The following SNRPD1 variants were observed in gnomAD, a reference collection of about 807,000 sequenced individuals.
The protein encoded by SNRPD1 is small nuclear ribonucleoprotein Sm D1.
Under a neutral mutation model 14.4 loss-of-function variants are expected in SNRPD1, and 1 was observed. The observed-to-expected ratio is 0.07, with a 90% CI of 0.02 to 0.33. The LOEUF (loss-of-function observed/expected upper bound fraction) is 0.33, where lower values mean the gene tolerates loss of function less well. Ranked by LOEUF, SNRPD1 falls within the 10% of genes least tolerant of loss-of-function variation. The pLI is 1.00. For missense variants in SNRPD1, 52 were observed against 146.4 expected (o/e 0.36, Z 3.33); for synonymous variants, 42 against 50.3 (o/e 0.83, Z 0.70).
In SNRPD1 at chr18:21,630,047, T is replaced by A. The variant is rs1220507330; in HGVS notation, c.*909T>A. The stretch of plus-strand genomic sequence containing the variant: ...TAGCTGCTAATGTCTTACTTTTGTT[T>A]CTTTTGCTTTTTAATCAGTTCTTAA... On this transcript the variant is annotated 3_prime_UTR_variant, in exon 4 of 4. Transcript: ENST00000300413. The A allele has an allele frequency of 3.3e-5, 5 of 152,206 alleles. No individual in the cohort carries two copies. Among genetic ancestry groups the A allele is most frequent in the Non-Finnish European group, 2.9e-5 (2 of 68,048 alleles). The allele number at this position is 152,206 out of a possible 1,614,324, so 9.4% of individuals were successfully genotyped here.
In SNRPD1 at chr18:21,629,596, C is replaced by T. The variant is rs775071920; in HGVS notation, c.*458C>T. ...AGCAACAGCCGGATTAGTTACAGTT[C>T]AGCGTTTGCCTTATTTGAATATGGT... On this transcript the variant is annotated 3_prime_UTR_variant, in exon 4 of 4. Transcript: ENST00000300413. The T allele has an allele frequency of 3.1e-4, 50 of 159,752 alleles. No individual in the cohort carries two copies. The highest frequency in any genetic ancestry group is 4.6e-4 in the Non-Finnish European group (33 of 72,228). The allele number at this position is 159,752 out of a possible 1,614,324, so 9.9% of individuals were successfully genotyped here. A position where few individuals can be genotyped will look rare whatever the true frequency, so the allele number is the denominator to read the frequency against.
Position 21,612,408 on chromosome 18 carries a change from A to C in SNRPD1, c.-22A>C. The C allele has an allele frequency of 6.4e-7, 1 of 1,550,882 alleles. No individual in the cohort carries two copies. Among genetic ancestry groups the C allele is most frequent in the East Asian group, 2.4e-5 (1 of 40,962 alleles). On this transcript the variant is annotated 5_prime_UTR_variant, in exon 1 of 4. Transcript: ENST00000300413. Reference sequence around the variant, plus strand: ...AAGGATTCTGTGTGCTGTCGGACCCAGAGGGTGACGGCGCCGCTAGGATGA... The same window carrying C: ...AAGGATTCTGTGTGCTGTCGGACCCCGAGGGTGACGGCGCCGCTAGGATGA...
At chr18:21,621,137 C>T (rs539935351) in intron 1 of SNRPD1, among the ~76,000 whole-genome samples, 1 of 151,870 alleles carries the variant, frequency 6.6e-6, no homozygotes, top group East Asian at 1.9e-4. Flanking sequence ...CACTACACTC[C>T]AGCCTGGGTG....
Position 21,632,854 on chromosome 18 carries a change from T to C in SNRPD1, c.*3716T>C, listed in dbSNP as rs1483805248. 1 of 123,482 alleles carries C rather than the reference T, an allele frequency of 8.1e-6. No individual in the cohort carries two copies. Among genetic ancestry groups the C allele is most frequent in the Non-Finnish European group, 1.9e-5 (1 of 53,536 alleles). 7.6% of individuals were successfully genotyped at this position (123,482 alleles called of 1,614,324 possible). ...TCTTTTCTTTTCTTTTCTTTTCTTT[T>C]CTTTTTTTTTTTTTGAGACAGAGTC... On this transcript the variant is annotated 3_prime_UTR_variant, in exon 4 of 4. Coordinates refer to ENST00000300413, the MANE Select transcript of SNRPD1 (RefSeq NM_006938.4).
chr18:21,630,502 C>CT lies in SNRPD1; in HGVS notation c.*1365dup, dbSNP rs1160542752. ...TTAGCCTGGGTGTGGTGGCTCACGCCTGTAATCCCAGCACTTTGGGAGGCC... is the reference window on the plus strand; with the variant it reads ...TTAGCCTGGGTGTGGTGGCTCACGCCTTGTAATCCCAGCACTTTGGGAGGCC... On this transcript the variant is annotated 3_prime_UTR_variant, in exon 4 of 4. Coordinates refer to ENST00000300413, the MANE Select transcript of SNRPD1 (RefSeq NM_006938.4). 6.6e-6 allele frequency: 1 copy of CT among 151,910 alleles called. No individual in the cohort carries two copies. The highest frequency in any genetic ancestry group is 1.5e-5 in the Non-Finnish European group (1 of 68,000). 9.4% of individuals were successfully genotyped at this position (151,910 alleles called of 1,614,324 possible). A position where few individuals can be genotyped will look rare whatever the true frequency, so the allele number is the denominator to read the frequency against.
intron 3 of SNRPD1, among the ~76,000 whole-genome samples, 167 bp downstream of exon 3, chr18:21,624,106 C>T (rs537845470): frequency 6.6e-6 from 1 of 152,160 alleles, no homozygotes; most frequent in East Asian, 1.9e-4. Flanking sequence ...AGCAACCGGA[C>T]GCAGTGGCTC....
chr18:21,625,963 T>A (rs2146261608), intron 3 of SNRPD1, among the ~76,000 whole-genome samples: 1 of 152,322 alleles, frequency 6.6e-6, no homozygotes, highest in East Asian at 1.9e-4. Flanking sequence ...TCTGGGTAGT[T>A]ATCATTTTTG....
intron 1 of SNRPD1, among the ~76,000 whole-genome samples, 157 bp downstream of exon 1, chr18:21,612,600 T>C (rs936174032): frequency 5.9e-5 from 9 of 152,270 alleles, no homozygotes; most frequent in Non-Finnish European, 4.4e-5. Flanking sequence ...TGCTCGGGCC[T>C]GGGCTTCCGC....
At chr18:21,621,007 A>G (rs2038993146) in intron 1 of SNRPD1, among the ~76,000 whole-genome samples, 2 of 151,902 alleles carry the variant, frequency 1.3e-5, no homozygotes, top group Admixed American at 1.3e-4. Flanking sequence ...ACTAAAAAAA[A>G]AATACAAAAA....
At chr18:21,619,087 T>C (rs1231327452) in intron 1 of SNRPD1, among the ~76,000 whole-genome samples, 1 of 152,172 alleles carries the variant, frequency 6.6e-6, no homozygotes, top group Non-Finnish European at 1.5e-5. Flanking sequence ...TAGATGTGAT[T>C]GTGAGATTAT....
intron 3 of SNRPD1, among the ~76,000 whole-genome samples, chr18:21,625,824 C>T (rs1011909797): frequency 3.9e-5 from 6 of 152,032 alleles, no homozygotes; most frequent in African/African-American, 1.4e-4. Context: ...GTTAGCCAAG[C>T]GGTCTCGATC....
At chr18:21,619,653 G>A (rs1008849842) in intron 1 of SNRPD1, among the ~76,000 whole-genome samples, 8 of 151,870 alleles carry the variant, frequency 5.3e-5, no homozygotes, top group Non-Finnish European at 1.2e-4. Context: ...GGTGGCAGGC[G>A]CCTGTAGTCC....
intron 1 of SNRPD1, 134 bp from the exon 2 acceptor site, chr18:21,622,591 T>TA: frequency 1.7e-6 from 1 of 597,278 alleles, no homozygotes; most frequent in East Asian, 2.8e-5. Context: ...CTGAAATTGT[T>TA]ATGCAGATTA....
At chr18:21,619,887 C>T (rs890892636) in intron 1 of SNRPD1, among the ~76,000 whole-genome samples, 35 of 152,164 alleles carry the variant, frequency 2.3e-4, no homozygotes, top group Admixed American at 6.5e-4. Context: ...TGGGCTCTAG[C>T]GATCCTCCCA....
At chr18:21,624,314 G>C (rs1273730164) in intron 3 of SNRPD1, among the ~76,000 whole-genome samples, 2 of 150,408 alleles carry the variant, frequency 1.3e-5, no homozygotes, top group African/African-American at 4.9e-5. Context: ...AGTAGGCGGA[G>C]GTTGCAGTGA....
In SNRPD1 at chr18:21,630,296, A is replaced by G. The variant is rs2039071880; in HGVS notation, c.*1158A>G. 1 of 152,220 alleles carries G rather than the reference A, an allele frequency of 6.6e-6. No homozygotes were observed. Among genetic ancestry groups the G allele is most frequent in the South Asian group, 2.1e-4 (1 of 4,836 alleles). 9.4% of individuals were successfully genotyped at this position (152,220 alleles called of 1,614,324 possible). A position where few individuals can be genotyped will look rare whatever the true frequency, so the allele number is the denominator to read the frequency against. On this transcript the variant is annotated 3_prime_UTR_variant, in exon 4 of 4. Coordinates refer to ENST00000300413, the MANE Select transcript of SNRPD1 (RefSeq NM_006938.4). ...TTTTAAAAATTGTTTTTGATTTGCTAAGCTCAGAAAAAATGTCTCTCAGTG... is the reference window on the plus strand; with the variant it reads ...TTTTAAAAATTGTTTTTGATTTGCTGAGCTCAGAAAAAATGTCTCTCAGTG...
chr18:21,626,696 G>C (rs1202116586), intron 3 of SNRPD1, among the ~76,000 whole-genome samples: 4 of 150,346 alleles, frequency 2.7e-5, no homozygotes, highest in African/African-American at 9.8e-5. Context: ...CTAAGGCAGG[G>C]AATTGCTCGA....
chr18:21,625,755 C>T (rs568276745), intron 3 of SNRPD1, among the ~76,000 whole-genome samples: 141 of 152,240 alleles, frequency 9.3e-4, no homozygotes, highest in Admixed American at 1.6e-3. Context: ...GGACCACAGG[C>T]GCCTGCAACC....
chr18:21,615,782 A>G (rs1321520532), intron 1 of SNRPD1, among the ~76,000 whole-genome samples: 1 of 152,202 alleles, frequency 6.6e-6, no homozygotes, highest in Admixed American at 6.6e-5. Context: ...GATGGACTGT[A>G]ACATAGTTAT....
Sources: gnomAD v4.1 joint callset for allele counts (sites outside exome capture counted in the v4.1 genomes callset) on GRCh38, gnomAD v4.1.1 for gene constraint, MANE v1.5 for transcripts, NCBI Gene and HGNC (gene_info 2026-07-23, HGNC 2026-07-21) for gene names.